The following HYDIN variants were observed in gnomAD, a reference collection of about 807,000 sequenced individuals.
The protein encoded by HYDIN is HYDIN axonemal central pair apparatus protein.
A neutral mutation model predicts 403.9 loss-of-function variants in HYDIN; 132 were observed. The observed-to-expected ratio is 0.33, with a 90% CI of 0.28 to 0.38. The LOEUF is 0.38. HYDIN is among the 10% of genes least tolerant of loss of function. The pLI is 1.00. For synonymous variants in HYDIN, 1,202 were observed against 1,891.7 expected, an observed-to-expected ratio of 0.64 and a Z score of 9.46; for missense variants, 2,827 against 5,009.5, an observed-to-expected ratio of 0.56 and a Z score of 13.15.
chr16:71,179,184 T>C (rs2086803032), intron 3 of HYDIN, 137 bp from the exon 4 acceptor site: 1 of 568,790 alleles, frequency 1.8e-6, no homozygotes, highest in African/African-American at 1.9e-5. Context: ...CATACCCAAG[T>C]ACATCATTGT....
At chr16:70,967,538 G>A (rs2078614954) in intron 36 of HYDIN, among the ~76,000 whole-genome samples, 1 of 151,820 alleles carries the variant, frequency 6.6e-6, no homozygotes, top group Admixed American at 6.6e-5. Context: ...CTGGAGTGCA[G>A]TGGCGCGATC....
chr16:71,052,483 G>T (rs1316624244), intron 18 of HYDIN, among the ~76,000 whole-genome samples: 1 of 151,378 alleles, frequency 6.6e-6, no homozygotes, highest in Non-Finnish European at 1.5e-5. Context: ...AATAAACTTA[G>T]CTGGATTAAA....
chr16:70,826,687 T>A (rs2036610266), intron 83 of HYDIN, among the ~76,000 whole-genome samples: 1 of 144,624 alleles, frequency 6.9e-6, no homozygotes, highest in Non-Finnish European at 1.5e-5. Flanking sequence ...CTCACACTGC[T>A]GGATGCGTCT....
intron 23 of HYDIN, among the ~76,000 whole-genome samples, chr16:71,010,390 G>C (rs2080041996): frequency 6.6e-6 from 1 of 152,140 alleles, no homozygotes. Flanking sequence ...TGCGGCCCTT[G>C]GACCCTGTGA....
chr16:70,834,452 C>T (rs1285127345), intron 78 of HYDIN, among the ~76,000 whole-genome samples: 2 of 152,086 alleles, frequency 1.3e-5, no homozygotes, highest in Non-Finnish European at 2.9e-5. Context: ...CTTTCTTCCT[C>T]CTCCCTGATA....
intron 45 of HYDIN, among the ~76,000 whole-genome samples, chr16:70,921,746 C>G (rs1317708373): frequency 6.6e-6 from 1 of 152,212 alleles, no homozygotes; most frequent in African/African-American, 2.4e-5. Flanking sequence ...AAGCTTACAA[C>G]AGTGCCTTTT....
At chr16:71,163,117 TTC>T (rs1762052238) in intron 5 of HYDIN, among the ~76,000 whole-genome samples, 2 of 139,772 alleles carry the variant, frequency 1.4e-5, no homozygotes, top group Non-Finnish European at 3.2e-5. Context: ...AGAATGATGT[TTC>T]TTTTTTTTTT....
chr16:70,890,639 C>T (rs912099794), intron 57 of HYDIN, among the ~76,000 whole-genome samples: 16 of 151,216 alleles, frequency 1.1e-4, no homozygotes, highest in African/African-American at 2.9e-4. Context: ...CCTCAGGAAT[C>T]GGTAAAAACC....
At chr16:71,018,844 T>C (rs1322928328) in intron 22 of HYDIN, among the ~76,000 whole-genome samples, 2 of 151,478 alleles carry the variant, frequency 1.3e-5, no homozygotes, top group Non-Finnish European at 2.9e-5. Context: ...TAAATTTCGT[T>C]GTGAAATGCC....
intron 64 of HYDIN, among the ~76,000 whole-genome samples, chr16:70,872,868 T>TCATC (rs1317436449): frequency 6.7e-6 from 1 of 149,794 alleles, no homozygotes; most frequent in Non-Finnish European, 1.5e-5. Flanking sequence ...CATCCATCCA[T>TCATC]CATCCACCCA....
In HYDIN at chr16:70,920,779, G is replaced by A. The variant is rs143849088; in HGVS notation, c.7597C>T (p.Arg2533Trp). Residue 2533 changes from arginine to tryptophan, a missense_variant, in exon 46 of 86, where the codon CGG (arginine) becomes TGG (tryptophan). Physicochemically the swap from Arg to Trp is moderately radical, Grantham distance 101. Transcript: ENST00000393567. ...KERLEREKAERERLEKLRALE... is the reference protein window; with the variant it reads ...KERLEREKAEWERLEKLRALE... ...GCTCGCAGCTTCTCCAGGCGCTCCCGCTCCGCCTTCTCCCTCTCCAGGCGC... is the reference window on the plus strand; with the variant it reads ...GCTCGCAGCTTCTCCAGGCGCTCCCACTCCGCCTTCTCCCTCTCCAGGCGC... 5.6e-4 allele frequency: 875 copies of A among 1,559,370 alleles called. 2 individuals carry two copies. In the African/African-American group the frequency reaches 0.011, roughly 19 times the overall value.
chr16:70,812,107 T>C (rs2035544467), intron 84 of HYDIN, among the ~76,000 whole-genome samples: 1 of 93,224 alleles, frequency 1.1e-5, no homozygotes, highest in Admixed American at 1.3e-4. Context: ...AATCCAACAA[T>C]AATAGGAGAA....
intron 5 of HYDIN, among the ~76,000 whole-genome samples, chr16:71,174,581 G>A (rs1441427543): frequency 6.6e-6 from 1 of 151,886 alleles, no homozygotes; most frequent in Non-Finnish European, 1.5e-5. Context: ...CCCCATTTAG[G>A]CCCACAGAGA....
intron 2 of HYDIN, 78 bp from the exon 3 acceptor site, chr16:71,185,068 A>G: frequency 9.9e-7 from 1 of 1,007,462 alleles, no homozygotes; most frequent in South Asian, 2.5e-5. Flanking sequence ...ACCAGTAATG[A>G]ATAATTTGTG....
chr16:71,169,662 T>C (rs1188274920), intron 5 of HYDIN, among the ~76,000 whole-genome samples: 1 of 152,116 alleles, frequency 6.6e-6, no homozygotes, highest in Non-Finnish European at 1.5e-5. Flanking sequence ...TCCCAGGGAC[T>C]GGGGTTGGAG....
intron 13 of HYDIN, among the ~76,000 whole-genome samples, chr16:71,070,379 T>C (rs1178580027): frequency 4.0e-5 from 6 of 150,360 alleles, no homozygotes. Context: ...AGTGCAGTGG[T>C]ACAATCTTAA....
Position 71,186,903 on chromosome 16 carries a change from A to T in HYDIN, c.-8T>A. On this transcript the variant is annotated 5_prime_UTR_variant, in exon 2 of 86. Transcript: ENST00000393567. ...AAGTCTTCTACTTGTCATTTTTAGT[A>T]ATTTTTTTTTCTCACCTAAGAGTGA... 1 of 1,607,016 alleles carries T rather than the reference A, an allele frequency of 6.2e-7. No homozygotes were observed. The highest frequency in any genetic ancestry group is 2.2e-5 in the East Asian group (1 of 44,776).
intron 23 of HYDIN, among the ~76,000 whole-genome samples, chr16:71,005,066 G>A (rs1567979609): frequency 6.6e-6 from 1 of 152,160 alleles, no homozygotes; most frequent in African/African-American, 2.4e-5. Flanking sequence ...ATTGATTTCT[G>A]ACAGAACAGA....
chr16:71,179,984 A>T (rs934625460), intron 3 of HYDIN, among the ~76,000 whole-genome samples: 2 of 152,216 alleles, frequency 1.3e-5, no homozygotes. Context: ...AGTTAGAATA[A>T]ATAGCAAAAT....
Sources: allele counts gnomAD v4.1 joint callset (sites outside exome capture counted in the v4.1 genomes callset), GRCh38; gene constraint gnomAD v4.1.1; transcripts MANE v1.5; gene names NCBI Gene and HGNC (gene_info 2026-07-23, HGNC 2026-07-21).